Variants in CACNG4 observed in about 807,000 individuals in gnomAD.
CACNG4 encodes voltage-dependent calcium channel gamma-4 subunit.
A neutral mutation model predicts 22.9 loss-of-function variants in CACNG4; 8 were observed. The observed-to-expected ratio is 0.35, with a 90% CI of 0.21 to 0.63. The LOEUF is 0.63. CACNG4 is among the 30% of genes least tolerant of loss of function. CACNG4 has a pLI of 0.72. For missense variants in CACNG4, 357 were observed against 455.4 expected (o/e 0.78, Z 1.97); for synonymous variants, 188 against 191.9 (o/e 0.98, Z 0.17).
rs555361227 is a variant in CACNG4, at chr17:67,030,408, C to T, written c.446-58C>T. 16 of 1,518,096 alleles carry T rather than the reference C, an allele frequency of 1.1e-5. No homozygotes were observed. Among genetic ancestry groups the T allele is most frequent in the African/African-American group, 1.4e-5 (1 of 73,074 alleles). The allele number at this position is 1,518,096 out of a possible 1,614,324, so 94.0% of individuals were successfully genotyped here. A position where few individuals can be genotyped will look rare whatever the true frequency, so the allele number is the denominator to read the frequency against. On this transcript the variant is annotated intron_variant, in intron 3 of 3. Coordinates refer to ENST00000262138, the MANE Select transcript of CACNG4 (RefSeq NM_014405.4). This position sits in a 1 kb window ranked among gnomAD's most constrained non-coding sequence, Gnocchi z 6.4. ...CTACACTGCCCGTCCCACTGTGGGT[C>T]TAACCTCTGCCTCTCTCCCTCCCTG... is the stretch of plus-strand genomic sequence containing the variant.
intron 1 of CACNG4, among the ~76,000 whole-genome samples, chr17:67,013,962 C>CT (rs2035482382): frequency 6.6e-6 from 1 of 152,192 alleles, no homozygotes; most frequent in African/African-American, 2.4e-5. Flanking sequence ...GTCATAGAAT[C>CT]TTCAAGCAGG....
In CACNG4 at chr17:67,015,609, T is replaced by A. The variant is rs549706190; in HGVS notation, c.221-2580T>A. 3.0e-3 allele frequency among the ~76,000 whole-genome samples: 459 copies of A among 152,302 alleles called. 2 individuals carry two copies. The highest frequency in any genetic ancestry group is 4.6e-3 in the Non-Finnish European group (315 of 68,032). ...ATTTCAAGACAAGTGTAATTTTTTT[T>A]AAGATGGGCAGAACCCCACGCGTAT... is the stretch of plus-strand genomic sequence containing the variant. On this transcript the variant is annotated intron_variant, in intron 1 of 3. Transcript: ENST00000262138.
In CACNG4 at chr17:66,965,160, CCACACACACA is replaced by C. The variant is rs55909537; in HGVS notation, c.220+46_220+55del. 6.0e-5 allele frequency: 51 copies of C among 846,180 alleles called. 1 individual carries two copies. Among genetic ancestry groups the C allele is most frequent in the Non-Finnish European group, 7.7e-5 (44 of 569,644 alleles). The allele number at this position is 846,180 out of a possible 1,614,324, so 52.4% of individuals were successfully genotyped here. On this transcript the variant is annotated intron_variant, in intron 1 of 3. Coordinates refer to ENST00000262138, the MANE Select transcript of CACNG4 (RefSeq NM_014405.4). ...CGGCCAGCCCCGACCCCTCGCCGCC[CCACACACACA>C]CACACACACACACACATATACACAC...
intron 1 of CACNG4, among the ~76,000 whole-genome samples, chr17:66,974,605 C>T (rs2035224811): frequency 6.6e-6 from 1 of 152,060 alleles, no homozygotes; most frequent in South Asian, 2.1e-4. Flanking sequence ...GCAGAGTGCT[C>T]GTTAGGGTAC....
At chr17:67,003,620 T>A (rs952755515) in intron 1 of CACNG4, among the ~76,000 whole-genome samples, 2 of 152,190 alleles carry the variant, frequency 1.3e-5, no homozygotes, top group Non-Finnish European at 2.9e-5. Context: ...CTGTGCATTG[T>A]AGAATGTTTA....
chr17:67,006,119 G>A (rs1204953853), intron 1 of CACNG4, among the ~76,000 whole-genome samples: 1 of 152,180 alleles, frequency 6.6e-6, no homozygotes, highest in Non-Finnish European at 1.5e-5. Flanking sequence ...CCACCATGAG[G>A]GGCAGTGAGG....
intron 1 of CACNG4, among the ~76,000 whole-genome samples, chr17:66,992,700 G>A (rs1040423387): frequency 7.2e-5 from 11 of 152,238 alleles, no homozygotes; most frequent in South Asian, 2.1e-4. Context: ...AGGCTGTTGC[G>A]TTTGCACCGG....
chr17:66,970,046 C>G (rs540518150), intron 1 of CACNG4, among the ~76,000 whole-genome samples: 54 of 152,332 alleles, frequency 3.5e-4, no homozygotes, highest in Middle Eastern at 3.4e-3. Context: ...TGCTAATTAT[C>G]ACAGCCATCA....
intron 1 of CACNG4, among the ~76,000 whole-genome samples, chr17:67,017,314 C>T (rs1417405759): frequency 2.6e-5 from 4 of 152,064 alleles, no homozygotes; most frequent in Non-Finnish European, 4.4e-5. Context: ...TGGGCTTAAG[C>T]GATCCGCCCT....
rs1257602926 is a variant in CACNG4 at position 67,030,099 on chromosome 17, A to G, written c.446-367A>G. On this transcript the variant is annotated intron_variant, in intron 3 of 3. Transcript: ENST00000262138. The surrounding 1 kb of genome is among the most constrained non-coding windows in gnomAD (Gnocchi z 6.4). The stretch of plus-strand genomic sequence containing the variant: ...TGATTCAGAACCGTCTCTCAGATGT[A>G]CTGTTAAGAGAAAAACTAAGCAGCC... Among the ~76,000 whole-genome samples the G allele has an allele frequency of 6.6e-6, 1 of 152,196 alleles. No individual in the cohort carries two copies. Among genetic ancestry groups the G allele is most frequent in the Non-Finnish European group, 1.5e-5 (1 of 68,036 alleles).
rs77207567 is a variant in CACNG4, at chr17:67,032,172, C to T, written c.*1168C>T. ...ACGGAGTGGAGTGAGTTTGGATAAACGGACCGAGCTGGGCTTCTCTTCCTC... is the reference window on the plus strand; with the variant it reads ...ACGGAGTGGAGTGAGTTTGGATAAATGGACCGAGCTGGGCTTCTCTTCCTC... On this transcript the variant is annotated 3_prime_UTR_variant, in exon 4 of 4. Coordinates refer to ENST00000262138, the MANE Select transcript of CACNG4 (RefSeq NM_014405.4). The T allele has an allele frequency of 6.0e-5, 22 of 368,276 alleles. No individual in the cohort carries two copies. Among genetic ancestry groups the T allele is most frequent in the South Asian group, 2.3e-4 (11 of 48,584 alleles). 22.8% of individuals were successfully genotyped at this position (368,276 alleles called of 1,614,324 possible).
At chr17:66,981,382 C>G (rs930633972) in intron 1 of CACNG4, among the ~76,000 whole-genome samples, 2 of 152,200 alleles carry the variant, frequency 1.3e-5, no homozygotes, top group African/African-American at 4.8e-5. Context: ...AAGCAATCAT[C>G]TTCGACCCTT....
intron 1 of CACNG4, among the ~76,000 whole-genome samples, chr17:67,000,599 G>A (rs79724511): frequency 0.039 from 5,995 of 152,212 alleles, 294 homozygotes; most frequent in East Asian, 0.23. Flanking sequence ...GGGACTGACC[G>A]GAGGAGGGAG....
Position 67,031,928 on chromosome 17 carries a change from A to G in CACNG4, c.*924A>G, listed in dbSNP as rs1422477556. 2.2e-6 allele frequency: 1 copy of G among 456,618 alleles called. No individual in the cohort carries two copies. The highest frequency in any genetic ancestry group is 4.4e-6 in the Non-Finnish European group (1 of 226,984). The allele number at this position is 456,618 out of a possible 1,614,324, so 28.3% of individuals were successfully genotyped here. A position where few individuals can be genotyped will look rare whatever the true frequency, so the allele number is the denominator to read the frequency against. ...CCTCCAACTGGCATTTGGCAACAGG[A>G]GCCTGGACTTCTGTGCAAGAAAGGG... is the stretch of plus-strand genomic sequence containing the variant. On this transcript the variant is annotated 3_prime_UTR_variant, in exon 4 of 4. Coordinates refer to ENST00000262138, the MANE Select transcript of CACNG4 (RefSeq NM_014405.4). This position sits in a 1 kb window ranked among gnomAD's most constrained non-coding sequence, Gnocchi z 4.0.
At chr17:66,993,795 G>A (rs1024963676) in intron 1 of CACNG4, among the ~76,000 whole-genome samples, 3 of 151,990 alleles carry the variant, frequency 2.0e-5, no homozygotes, top group Non-Finnish European at 2.9e-5. Context: ...CAGTAAAGAC[G>A]GCGTTTCACC....
At chr17:66,994,561 C>T (rs191754140) in intron 1 of CACNG4, among the ~76,000 whole-genome samples, 168 of 152,324 alleles carry the variant, frequency 1.1e-3, no homozygotes, top group Non-Finnish European at 8.5e-4. Context: ...GGGCCCAGTC[C>T]TGGTGACCAC....
chr17:66,973,030 G>C (rs912963971), intron 1 of CACNG4, among the ~76,000 whole-genome samples: 1 of 152,132 alleles, frequency 6.6e-6, no homozygotes, highest in Non-Finnish European at 1.5e-5. Flanking sequence ...TGGATCACCT[G>C]AGGTCAGGAG....
chr17:67,001,033 C>A (rs1434852101), intron 1 of CACNG4, among the ~76,000 whole-genome samples: 1 of 151,786 alleles, frequency 6.6e-6, no homozygotes, highest in Non-Finnish European at 1.5e-5. Flanking sequence ...ATGGGAGGGA[C>A]CTGGGGGGAG....
intron 1 of CACNG4, 110 bp downstream of exon 1, chr17:66,965,241 G>C: frequency 1.5e-6 from 1 of 664,660 alleles, no homozygotes. Context: ...CACACTGCCC[G>C]GCGCGCGGGC....
Sources: allele counts gnomAD v4.1 joint callset (sites outside exome capture counted in the v4.1 genomes callset), GRCh38; gene constraint gnomAD v4.1.1; non-coding constraint Gnocchi (gnomAD v3.1); transcripts MANE v1.5; gene names NCBI Gene and HGNC (gene_info 2026-07-23, HGNC 2026-07-21).